ZNF385D: variants seen among roughly 807,000 people sequenced by gnomAD.
The protein encoded by ZNF385D is zinc finger protein 659.
In ZNF385D, 15 loss-of-function variants were observed where a neutral mutation model predicts 35.8. The ratio of observed to expected loss-of-function variants is 0.42; its 90% CI spans 0.28 to 0.64. ZNF385D has a LOEUF of 0.64. Ranked by LOEUF, ZNF385D falls within the 30% of genes least tolerant of loss-of-function variation. The pLI, the probability that ZNF385D is intolerant of heterozygous loss-of-function variation, is 0.23. For synonymous variants in ZNF385D, 212 were observed against 186.8 expected (o/e 1.13, Z -1.10); for missense variants, 474 against 494.6 (o/e 0.96, Z 0.39).
At chr3:22,080,096 G>T (rs1004826428) in intron 3 of ZNF385D, among the ~76,000 whole-genome samples, 1 of 152,092 alleles carries the variant, frequency 6.6e-6, no homozygotes, top group Non-Finnish European at 1.5e-5. Flanking sequence ...CGTTTTATAA[G>T]ATGTTTTTGC....
At chr3:21,743,261 A>C (rs1166475161) in intron 1 of ZNF385D, among the ~76,000 whole-genome samples, 1 of 152,212 alleles carries the variant, frequency 6.6e-6, no homozygotes, top group African/African-American at 2.4e-5. Context: ...TAGCACAGCT[A>C]ATTTGGACTT....
At chr3:22,129,738 G>A (rs769939732) in intron 3 of ZNF385D, among the ~76,000 whole-genome samples, 6 of 152,084 alleles carry the variant, frequency 3.9e-5, no homozygotes, top group Non-Finnish European at 7.4e-5. Context: ...GCTTCCTTCT[G>A]GCCCAAGGTG....
At chr3:21,608,317 T>G (rs2064559037) in intron 2 of ZNF385D, among the ~76,000 whole-genome samples, 1 of 152,136 alleles carries the variant, frequency 6.6e-6, no homozygotes, top group Admixed American at 6.5e-5. Context: ...CCCTAAATTT[T>G]TTTCTGTTAA....
chr3:22,124,673 T>C (rs1703323333), intron 3 of ZNF385D, among the ~76,000 whole-genome samples: 1 of 152,220 alleles, frequency 6.6e-6, no homozygotes, highest in Non-Finnish European at 1.5e-5. Context: ...TGATCAATGA[T>C]GCTGATCATA....
At chr3:21,530,308 CA>C (rs1456695717) in intron 3 of ZNF385D, among the ~76,000 whole-genome samples, 5 of 152,212 alleles carry the variant, frequency 3.3e-5, no homozygotes, top group Non-Finnish European at 7.3e-5. Flanking sequence ...TGGAGTAACA[CA>C]ACAAGCTCTT....
chr3:22,147,521 A>G (rs1004732825), intron 3 of ZNF385D, among the ~76,000 whole-genome samples: 49 of 152,296 alleles, frequency 3.2e-4, no homozygotes, highest in African/African-American at 1.2e-3. Flanking sequence ...GATGGTGTCA[A>G]TACAGAGGAA....
At position 21,769,711 on chromosome 3, in the gene ZNF385D, T is replaced by C. The variant is rs973745464; in HGVS notation, c.326-104683A>G. Reference sequence around the variant, plus strand: ...CATCCCCATCAAGCTCCCAATGACTTTCTTCACAGAATTGGAAAAAACTAC... The same window carrying C: ...CATCCCCATCAAGCTCCCAATGACTCTCTTCACAGAATTGGAAAAAACTAC... On this transcript the variant is annotated intron_variant, in intron 3 of 5. Coordinates refer to the ZNF385D transcript ENST00000494108. Among the ~76,000 whole-genome samples, 55 of 104,236 alleles carry C rather than the reference T, an allele frequency of 5.3e-4. 2 individuals are homozygous for C. Among genetic ancestry groups the C allele is most frequent in the Non-Finnish European group, 9.7e-4 (51 of 52,760 alleles). The allele number at this position is 104,236 out of a possible 152,430, so 68.4% of individuals were successfully genotyped here.
intron 3 of ZNF385D, among the ~76,000 whole-genome samples, chr3:22,043,444 T>C (rs1698794837): frequency 6.6e-6 from 1 of 152,164 alleles, no homozygotes; most frequent in African/African-American, 2.4e-5. Flanking sequence ...CATGATTCTA[T>C]TTTAAAACAA....
At chr3:21,692,916 T>C (rs1271144139) in intron 1 of ZNF385D, among the ~76,000 whole-genome samples, 1 of 152,210 alleles carries the variant, frequency 6.6e-6, no homozygotes, top group Non-Finnish European at 1.5e-5. Flanking sequence ...ATCTGTCAGC[T>C]TCCTCCAATA....
chr3:21,751,045 C>T lies in ZNF385D; in HGVS notation c.-129G>A. 4 of 1,557,218 alleles carry T rather than the reference C, an allele frequency of 2.6e-6. No individual in the cohort carries two copies. The highest frequency in any genetic ancestry group is 4.7e-5 in the East Asian group (2 of 42,818). On this transcript the variant is annotated 5_prime_UTR_variant, in exon 1 of 8. Coordinates refer to ENST00000281523, the MANE Select transcript of ZNF385D (RefSeq NM_024697.3). The stretch of plus-strand genomic sequence containing the variant: ...CCCCGGCGTGGAGAGCAGTGAGCGC[C>T]GAGAGCGTGCCTCCTCCGCGGGATG...
At chr3:22,305,598 T>C (rs1047232333) in intron 2 of ZNF385D, among the ~76,000 whole-genome samples, 5 of 152,138 alleles carry the variant, frequency 3.3e-5, no homozygotes, top group African/African-American at 9.7e-5. Flanking sequence ...AAAAAGAGTA[T>C]GGTGAATGAC....
intron 3 of ZNF385D, among the ~76,000 whole-genome samples, chr3:22,163,908 C>T (rs1706133357): frequency 6.6e-6 from 1 of 152,072 alleles, no homozygotes; most frequent in Non-Finnish European, 1.5e-5. Flanking sequence ...GGATGATGTG[C>T]TTACTAAGAA....
rs562810293 is a variant in ZNF385D, at chr3:22,162,867, A to G, written c.325+5950T>C. Among the ~76,000 whole-genome samples the G allele has an allele frequency of 5.9e-5, 9 of 152,308 alleles. No individual in the cohort carries two copies. In the South Asian group the frequency reaches 1.9e-3, roughly 32 times the overall value. On this transcript the variant is annotated intron_variant, in intron 3 of 5. Coordinates refer to the ZNF385D transcript ENST00000494108. ...ATTCTCCTTAACAACTTTAAAAATCATTGGTAGTGTCTTATTTGGATTCCC... is the reference window on the plus strand; with the variant it reads ...ATTCTCCTTAACAACTTTAAAAATCGTTGGTAGTGTCTTATTTGGATTCCC...
At chr3:21,428,431 G>A (rs1377484708) in intron 5 of ZNF385D, among the ~76,000 whole-genome samples, 1 of 152,040 alleles carries the variant, frequency 6.6e-6, no homozygotes, top group Non-Finnish European at 1.5e-5. Context: ...TTCTAGCTAA[G>A]TTCCTTAGAA....
intron 2 of ZNF385D, among the ~76,000 whole-genome samples, chr3:22,327,962 A>G (rs1448227447): frequency 2.0e-5 from 3 of 152,238 alleles, no homozygotes; most frequent in African/African-American, 7.2e-5. Context: ...CTGAAGTAAC[A>G]TTAAGCGCCT....
intron 1 of ZNF385D, among the ~76,000 whole-genome samples, chr3:21,724,430 G>T (rs1010374185): frequency 1.7e-5 from 2 of 119,642 alleles, no homozygotes; most frequent in Non-Finnish European, 3.3e-5. Flanking sequence ...ACACACATAG[G>T]CTCAAAATAA....
chr3:21,761,868 CCTTTTT>C (rs1334781591), intron 3 of ZNF385D, among the ~76,000 whole-genome samples: 9 of 102,922 alleles, frequency 8.7e-5, no homozygotes, highest in African/African-American at 2.9e-4. Context: ...GCATTTTCTT[CCTTTTT>C]TTTTTTTTTT....
chr3:21,531,972 A>G (rs888322181), intron 3 of ZNF385D, among the ~76,000 whole-genome samples: 1 of 152,180 alleles, frequency 6.6e-6, no homozygotes, highest in African/African-American at 2.4e-5. Flanking sequence ...TAATGGGTAA[A>G]GCTACACAGA....
At position 21,539,095 on chromosome 3, in the gene ZNF385D, A is replaced by G. The variant is rs938740480; in HGVS notation, c.276+25479T>C. 6.6e-6 allele frequency among the ~76,000 whole-genome samples: 1 copy of G among 152,060 alleles called. No individual in the cohort carries two copies. Among genetic ancestry groups the G allele is most frequent in the African/African-American group, 2.4e-5 (1 of 41,452 alleles). On this transcript the variant is annotated intron_variant, in intron 3 of 7. Transcript: ENST00000281523. The surrounding 1 kb of genome is among the most constrained non-coding windows in gnomAD (Gnocchi z 4.0). ...AATACGGAACAAAGGGAGTGGGTGC[A>G]GCAAAATATTCAAGTTAATTTTTAA...
Sources: allele counts gnomAD v4.1 joint callset (sites outside exome capture counted in the v4.1 genomes callset), GRCh38; gene constraint gnomAD v4.1.1; non-coding constraint Gnocchi (gnomAD v3.1); transcripts MANE v1.5; gene names NCBI Gene and HGNC (gene_info 2026-07-23, HGNC 2026-07-21).